The following FAM193A variants were observed in gnomAD, a reference collection of about 807,000 sequenced individuals.
The protein encoded by FAM193A is family with sequence similarity 193 member A.
A neutral mutation model predicts 126.5 loss-of-function variants in FAM193A; 22 were observed. The observed-to-expected ratio is 0.17, with a 90% confidence interval of 0.12 to 0.25. FAM193A has a LOEUF of 0.25. Ranked by LOEUF, FAM193A falls within the 10% of genes least tolerant of loss-of-function variation. FAM193A has a pLI of 1.00. For missense variants in FAM193A, 1,675 were observed against 1,672.8 expected, an observed-to-expected ratio of 1.00 and a Z score of -0.02; for synonymous variants, 761 against 646.8, an observed-to-expected ratio of 1.18 and a Z score of -2.68.
intron 1 of FAM193A, among the ~76,000 whole-genome samples, chr4:2,588,960 G>A (rs1740378670): frequency 6.6e-6 from 1 of 152,120 alleles, no homozygotes; most frequent in Admixed American, 6.6e-5. Context: ...AATTCAAGCT[G>A]TTTTGCCCTT....
In FAM193A at chr4:2,690,809, C is replaced by T; in HGVS notation, c.2642C>T (p.Ala881Val). ...VSDSKEKKNA[A>V]KKKCLYNFQD... is the part of the protein sequence containing the mutation. ...GATAGTAAAGAGAAAAAGAATGCTG[C>T]AAAAAAGAAATGTTTATACAATTTC... The change falls in exon 15 of 21, where the codon GCA (alanine) becomes GTA (valine). Residue 881 changes from alanine (A) to valine (V), a missense_variant. By Grantham distance (64) the Ala-to-Val change is moderately conservative. This residue lies in a region of FAM193A where 1,186 missense variants were observed against 1,109.2 expected (regional missense o/e 1.07). Coordinates refer to ENST00000637812, the MANE Select transcript of FAM193A (RefSeq NM_001366318.2). The T allele has an allele frequency of 6.2e-7, 1 of 1,613,952 alleles. No individual in the cohort carries two copies. Among genetic ancestry groups the T allele is most frequent in the Non-Finnish European group, 8.5e-7 (1 of 1,179,974 alleles).
At chr4:2,665,162 T>C (rs570810062) in intron 12 of FAM193A, among the ~76,000 whole-genome samples, 1 of 152,276 alleles carries the variant, frequency 6.6e-6, no homozygotes, top group South Asian at 2.1e-4. Flanking sequence ...TTCTCAGTAG[T>C]TCTAAAAAAA....
intron 12 of FAM193A, among the ~76,000 whole-genome samples, chr4:2,670,972 C>A (rs887762930): frequency 6.6e-6 from 1 of 152,092 alleles, no homozygotes; most frequent in African/African-American, 2.4e-5. Context: ...CAGCTTACTT[C>A]TTCTCTTCTC....
At chr4:2,570,567 C>A (rs1457883303) in intron 1 of FAM193A, among the ~76,000 whole-genome samples, 1 of 152,118 alleles carries the variant, frequency 6.6e-6, no homozygotes, top group African/African-American at 2.4e-5. Flanking sequence ...TAGGACACAG[C>A]AGTAAAGGGC....
chr4:2,707,713 A>ATTT (rs752751839), intron 19 of FAM193A, among the ~76,000 whole-genome samples: 42 of 130,810 alleles, frequency 3.2e-4, no homozygotes, highest in Non-Finnish European at 4.2e-4. Flanking sequence ...TATATTTCTT[A>ATTT]TTTTTTTTTT....
chr4:2,549,522 A>G (rs1169141658), intron 1 of FAM193A, among the ~76,000 whole-genome samples: 1 of 138,006 alleles, frequency 7.2e-6, no homozygotes, highest in African/African-American at 2.7e-5. Context: ...TCAGCCTCCC[A>G]AGTAGCTGGG....
intron 1 of FAM193A, among the ~76,000 whole-genome samples, chr4:2,583,966 G>A (rs1208752382): frequency 6.6e-6 from 1 of 152,012 alleles, no homozygotes; most frequent in Non-Finnish European, 1.5e-5. Context: ...GAAGTTTTTT[G>A]GTGTAAGTCC....
In FAM193A at chr4:2,672,327, C is replaced by T. The variant is rs994113942; in HGVS notation, c.2286C>T (p.Leu762=). 3.1e-6 allele frequency: 5 copies of T among 1,614,116 alleles called. No individual in the cohort carries two copies. The highest frequency in any genetic ancestry group is 2.7e-5 in the African/African-American group (2 of 74,952). Reference sequence around the variant, plus strand: ...CTGTTCCACACCTGCCACGCCCTCTCATCCACCCCACCTTGTATGCAACGC... The same window carrying T: ...CTGTTCCACACCTGCCACGCCCTCTTATCCACCCCACCTTGTATGCAACGC... ...LHTVPHLPRP[L]IHPTLYATPP... is the part of the protein sequence containing the mutation. Residue 762 remains leucine (L), a synonymous_variant, in exon 13 of 21, where the codon CTC becomes CTT. Coordinates refer to ENST00000637812, the MANE Select transcript of FAM193A (RefSeq NM_001366318.2).
chr4:2,699,621 T>A (rs1717462683), intron 18 of FAM193A, 59 bp from the exon 19 acceptor site: 2 of 1,498,866 alleles, frequency 1.3e-6, no homozygotes, highest in African/African-American at 2.8e-5. Flanking sequence ...AGTTTTTCTG[T>A]ATGACTTAAT....
intron 1 of FAM193A, among the ~76,000 whole-genome samples, chr4:2,585,133 G>A (rs1275329150): frequency 6.6e-6 from 1 of 152,128 alleles, no homozygotes; most frequent in Non-Finnish European, 1.5e-5. Flanking sequence ...ATAGATGACT[G>A]TTCATTCATT....
At chr4:2,634,327 G>C (rs1445812496) in intron 5 of FAM193A, among the ~76,000 whole-genome samples, 1 of 152,168 alleles carries the variant, frequency 6.6e-6, no homozygotes, top group Non-Finnish European at 1.5e-5. Context: ...TGCTGGTAAA[G>C]TCAGGCAGCA....
At chr4:2,545,441 A>G (rs1737486757) in intron 1 of FAM193A, among the ~76,000 whole-genome samples, 2 of 152,060 alleles carry the variant, frequency 1.3e-5, no homozygotes, top group African/African-American at 2.4e-5. Flanking sequence ...ATATTCCACA[A>G]TTCATCTCAC....
At chr4:2,650,679 C>T (rs926446103) in intron 7 of FAM193A, among the ~76,000 whole-genome samples, 3 of 152,156 alleles carry the variant, frequency 2.0e-5, no homozygotes, top group Non-Finnish European at 2.9e-5. Context: ...CATAGTGCCA[C>T]CTGCTAAGTC....
At chr4:2,731,448 A>C (rs1173782000) in intron 20 of FAM193A, among the ~76,000 whole-genome samples, 1 of 151,920 alleles carries the variant, frequency 6.6e-6, no homozygotes, top group Non-Finnish European at 1.5e-5. Context: ...AGCCTCCCAA[A>C]GTGCTGGGAT....
intron 15 of FAM193A, among the ~76,000 whole-genome samples, chr4:2,691,186 G>A (rs779844869): frequency 2.6e-5 from 4 of 152,140 alleles, no homozygotes; most frequent in African/African-American, 4.8e-5. Flanking sequence ...CTGGGGCTTC[G>A]CTGCACTGTC....
rs1458224554 is a variant in FAM193A at position 2,700,353 on chromosome 4, A to G, written c.4181A>G (p.Asn1394Ser). The change falls in exon 19 of 21, where the codon AAC becomes AGC. Residue 1394 changes from asparagine (N) to serine (S), a missense_variant. Around this residue, in one of 4 missense-constraint regions of FAM193A, gnomAD observed 415 missense variants for 396.7 expected, o/e 1.05. Coordinates refer to ENST00000637812, the MANE Select transcript of FAM193A (RefSeq NM_001366318.2). Reference sequence around the variant, plus strand: ...CAGAAAAGAGAGGAGAGAAAAGTCAACAGTAATAACAATAACAAAAAGCAG... The same window carrying G: ...CAGAAAAGAGAGGAGAGAAAAGTCAGCAGTAATAACAATAACAAAAAGCAG... ...TEQKREERKV[N>S]SNNNNKKQLN... is the part of the protein sequence containing the mutation. The G allele has an allele frequency of 5.0e-6, 8 of 1,614,042 alleles. No homozygotes were observed. The South Asian group carries it at 6.6e-5, about 13-fold the overall frequency.
intron 2 of FAM193A, among the ~76,000 whole-genome samples, chr4:2,616,081 T>A (rs1021330757): frequency 1.3e-5 from 2 of 152,056 alleles, no homozygotes; most frequent in African/African-American, 4.8e-5. Flanking sequence ...GGTTAAGGCT[T>A]GAGCCACCGC....
intron 1 of FAM193A, among the ~76,000 whole-genome samples, chr4:2,586,259 A>G (rs1271223912): frequency 6.6e-6 from 1 of 151,548 alleles, no homozygotes; most frequent in Non-Finnish European, 1.5e-5. Flanking sequence ...AAAAAAATAT[A>G]TATATATATA....
At position 2,716,115 on chromosome 4, in the gene FAM193A, A is replaced by G. The variant is rs1466175096; in HGVS notation, c.4454+11A>G. Reference sequence around the variant, plus strand: ...GGAATATTTCAAAAGGTAAATGTGGAGGCTGTGTCTGAAACCGTGGTGACT... The same window carrying G: ...GGAATATTTCAAAAGGTAAATGTGGGGGCTGTGTCTGAAACCGTGGTGACT... On this transcript the variant is annotated intron_variant, in intron 20 of 20. Coordinates refer to ENST00000637812, the MANE Select transcript of FAM193A (RefSeq NM_001366318.2). 1.3e-6 allele frequency: 2 copies of G among 1,553,176 alleles called. No homozygotes were observed. The highest frequency in any genetic ancestry group is 1.8e-6 in the Non-Finnish European group (2 of 1,124,252).
Sources: gnomAD v4.1 joint callset for allele counts (sites outside exome capture counted in the v4.1 genomes callset) on GRCh38, gnomAD v4.1.1 for gene constraint, gnomAD v4.1.1 regional missense constraint, MANE v1.5 for transcripts, NCBI Gene and HGNC (gene_info 2026-07-23, HGNC 2026-07-21) for gene names.